Variants in CNTNAP2 observed in about 807,000 individuals in gnomAD.
CNTNAP2 encodes contactin-associated protein-like 2.
A neutral mutation model predicts 155.2 loss-of-function variants in CNTNAP2; 98 were observed. That is an observed-to-expected ratio of 0.63 (90% CI 0.54 to 0.75). The LOEUF (loss-of-function observed/expected upper bound fraction) is 0.75. Among genes scored for constraint, CNTNAP2 ranks in the 30% least tolerant of loss-of-function variants. The pLI is 0.00. For missense variants in CNTNAP2, 1,727 were observed against 1,688.1 expected, an observed-to-expected ratio of 1.02 and a Z score of -0.40; for synonymous variants, 651 against 631.2, an observed-to-expected ratio of 1.03 and a Z score of -0.47.
chr7:146,848,334 C>G (rs1423505618), intron 3 of CNTNAP2, among the ~76,000 whole-genome samples: 1 of 152,178 alleles, frequency 6.6e-6, no homozygotes, highest in African/African-American at 2.4e-5. Context: ...AAATTGCAGA[C>G]AGATTTATCG....
In CNTNAP2 at chr7:147,952,049, T is replaced by A. The variant is rs914129880; in HGVS notation, c.2256-25813T>A. Among the ~76,000 whole-genome samples, 6 of 152,094 alleles carry A rather than the reference T, an allele frequency of 3.9e-5. No homozygotes were observed. The East Asian group carries it at 1.2e-3, about 29-fold the overall frequency. The stretch of plus-strand genomic sequence containing the variant: ...ATACAGTTAATAGGTAAATGTTAGA[T>A]GAATACCTCAAACTGAATGTTAATG... On this transcript the variant is annotated intron_variant, in intron 14 of 23. Transcript: ENST00000361727.
At chr7:146,318,051 G>GA (rs1419940704) in intron 1 of CNTNAP2, among the ~76,000 whole-genome samples, 11 of 151,460 alleles carry the variant, frequency 7.3e-5, no homozygotes, top group Non-Finnish European at 1.6e-4. Flanking sequence ...TGAGGCAGGA[G>GA]AATCGCTTGA....
At chr7:147,851,348 G>A (rs1332273646) in intron 13 of CNTNAP2, among the ~76,000 whole-genome samples, 2 of 152,212 alleles carry the variant, frequency 1.3e-5, no homozygotes, top group Non-Finnish European at 2.9e-5. Context: ...TTCAACCATT[G>A]TGGAAGACAG....
intron 1 of CNTNAP2, among the ~76,000 whole-genome samples, chr7:146,743,402 T>C (rs972078465): frequency 8.5e-5 from 13 of 152,184 alleles, no homozygotes; most frequent in Non-Finnish European, 1.3e-4. Context: ...GTCAGGGATA[T>C]TTTTCATCCC....
At chr7:146,820,056 A>G (rs776534877) in intron 2 of CNTNAP2, among the ~76,000 whole-genome samples, 3 of 151,614 alleles carry the variant, frequency 2.0e-5, no homozygotes, top group Non-Finnish European at 4.4e-5. Flanking sequence ...ATTTGATCAG[A>G]AGATGCTAAA....
chr7:147,419,340 C>T (rs1797250154), intron 10 of CNTNAP2, among the ~76,000 whole-genome samples: 1 of 152,134 alleles, frequency 6.6e-6, no homozygotes, highest in Non-Finnish European at 1.5e-5. Flanking sequence ...ACCAAAGCCT[C>T]CTGGCAGCAT....
intron 1 of CNTNAP2, among the ~76,000 whole-genome samples, chr7:146,715,110 C>A (rs1473872400): frequency 6.6e-6 from 1 of 152,078 alleles, no homozygotes; most frequent in African/African-American, 2.4e-5. Flanking sequence ...GCGGGCAGTT[C>A]ACCTGAGGTC....
chr7:147,758,096 C>G (rs73475065), intron 13 of CNTNAP2, among the ~76,000 whole-genome samples: 10,365 of 152,210 alleles, frequency 0.068, 395 homozygotes, highest in African/African-American at 0.094. Context: ...ACGAATCAAA[C>G]ACGGAAAAGA....
chr7:147,950,364 C>CAAAAAAAAAAAAAAAAAAAAAAAAAAAAA (rs386411606), intron 14 of CNTNAP2, among the ~76,000 whole-genome samples: 2 of 55,770 alleles, frequency 3.6e-5, no homozygotes, highest in East Asian at 9.6e-4. Flanking sequence ...CATAGAGAGG[C>CAAAAAAAAAAAAAAAAAAAAAAAAAAAAA]AAAAAAAAAA....
intron 11 of CNTNAP2, among the ~76,000 whole-genome samples, chr7:147,500,788 A>C (rs570946023): frequency 6.6e-6 from 1 of 152,300 alleles, no homozygotes; most frequent in South Asian, 2.1e-4. Context: ...GAAGAACTTT[A>C]TTTTCATTTG....
At chr7:148,283,254 A>AAAAAG (rs1797007130) in intron 21 of CNTNAP2, among the ~76,000 whole-genome samples, 1 of 64,042 alleles carries the variant, frequency 1.6e-5, no homozygotes, top group Non-Finnish European at 2.9e-5. Context: ...AAAAAAAAAA[A>AAAAAG]AAAAGAAAGA....
intron 12 of CNTNAP2, among the ~76,000 whole-genome samples, chr7:147,622,698 A>C (rs2116895061): frequency 6.6e-6 from 1 of 152,134 alleles, no homozygotes; most frequent in Non-Finnish European, 1.5e-5. Context: ...AACTTCAAAT[A>C]ACCTAATGAT....
intron 17 of CNTNAP2, 109 bp from the exon 18 acceptor site, chr7:148,172,133 C>T: frequency 9.5e-7 from 1 of 1,056,240 alleles, no homozygotes; most frequent in Non-Finnish European, 1.5e-6. Context: ...AGTGACAATA[C>T]TAGATGTGCT....
At chr7:148,242,690 C>T (rs1310448232) in intron 20 of CNTNAP2, among the ~76,000 whole-genome samples, 1 of 152,348 alleles carries the variant, frequency 6.6e-6, no homozygotes, top group East Asian at 1.9e-4. Flanking sequence ...CTTACGCTTT[C>T]ACATCTCACT....
chr7:146,321,723 A>C (rs1340661191), intron 1 of CNTNAP2, among the ~76,000 whole-genome samples: 4 of 152,162 alleles, frequency 2.6e-5, no homozygotes, highest in Non-Finnish European at 5.9e-5. Context: ...AAGCTAGGAA[A>C]AGAGATGTTC....
At chr7:147,646,340 C>A (rs1795363433) in intron 13 of CNTNAP2, among the ~76,000 whole-genome samples, 1 of 152,054 alleles carries the variant, frequency 6.6e-6, no homozygotes, top group Non-Finnish European at 1.5e-5. Flanking sequence ...AGTGATGGCA[C>A]TAGGAATACA....
chr7:146,826,174 G>C (rs1010817138), intron 2 of CNTNAP2, among the ~76,000 whole-genome samples: 1 of 152,024 alleles, frequency 6.6e-6, no homozygotes, highest in Non-Finnish European at 1.5e-5. Context: ...ACTATATTTA[G>C]TTACTAGTTA....
At chr7:146,990,651 T>C (rs1351994745) in intron 3 of CNTNAP2, among the ~76,000 whole-genome samples, 2 of 152,130 alleles carry the variant, frequency 1.3e-5, no homozygotes, top group African/African-American at 2.4e-5. Context: ...AGGCTTGGTT[T>C]CAGAGAGAAA....
Position 146,307,810 on chromosome 7 carries a change from A to T in CNTNAP2, c.97+190837A>T, listed in dbSNP as rs974076119. ...AGCTGAAACTGGATCCCTTCCTTAC[A>T]CCTTATACAGAAATTAATTCAAGAT... is the stretch of plus-strand genomic sequence containing the variant. On this transcript the variant is annotated intron_variant, in intron 1 of 23. Coordinates refer to ENST00000361727, the MANE Select transcript of CNTNAP2 (RefSeq NM_014141.6). Among the ~76,000 whole-genome samples the T allele has an allele frequency of 1.6e-4, 24 of 152,138 alleles. No homozygotes were observed. The East Asian group carries it at 2.3e-3, about 15-fold the overall frequency.
Sources: allele counts gnomAD v4.1 joint callset (sites outside exome capture counted in the v4.1 genomes callset), GRCh38; gene constraint gnomAD v4.1.1; transcripts MANE v1.5; gene names NCBI Gene and HGNC (gene_info 2026-07-23, HGNC 2026-07-21).